The following MANBA variants were observed in gnomAD, a reference collection of about 807,000 sequenced individuals.
The protein encoded by MANBA is mannosidase beta.
A neutral mutation model predicts 111.1 loss-of-function variants in MANBA; 83 were observed. The ratio of observed to expected loss-of-function variants is 0.75; its 90% CI spans 0.63 to 0.90. MANBA has a LOEUF of 0.90. MANBA is among the 40% of genes least tolerant of loss of function. The pLI is 0.00. For missense variants in MANBA, 1,036 were observed against 1,069.0 expected (o/e 0.97, Z 0.43); for synonymous variants, 370 against 378.7 (o/e 0.98, Z 0.27).
intron 1 of MANBA, among the ~76,000 whole-genome samples, chr4:102,736,396 T>A (rs1446669332): frequency 6.6e-6 from 1 of 152,186 alleles, no homozygotes; most frequent in African/African-American, 2.4e-5. Flanking sequence ...ATATCATCAG[T>A]CTCATTTTCT....
Position 102,690,733 on chromosome 4 carries a change from T to G in MANBA, c.712A>C (p.Thr238Pro), listed in dbSNP as rs1732438694. 1 of 1,594,258 alleles carries G rather than the reference T, an allele frequency of 6.3e-7. No homozygotes were observed. The highest frequency in any genetic ancestry group is 8.6e-7 in the Non-Finnish European group (1 of 1,167,926). The change falls in exon 6 of 17, where the codon ACA becomes CCA. Residue 238 changes from threonine to proline, a missense_variant. Transcript: ENST00000647097. ...AQEWNLEIES[T>P]FDVVSSKPVG... ...GGCTTTGAGCTGACAACATCAAATG[T>G]AGACTCTATTTCCAGATTCCACTCC... is the stretch of plus-strand genomic sequence containing the variant.
intron 13 of MANBA, among the ~76,000 whole-genome samples, chr4:102,642,597 A>T (rs1173817437): frequency 1.3e-5 from 2 of 152,152 alleles, no homozygotes. Flanking sequence ...ACAGAGCGAG[A>T]CTCTGTCTAA....
intron 5 of MANBA, among the ~76,000 whole-genome samples, chr4:102,702,329 G>A (rs1733093706): frequency 6.6e-6 from 1 of 152,006 alleles, no homozygotes; most frequent in South Asian, 2.1e-4. Flanking sequence ...CTCGTAGTTT[G>A]ATCGCCTGAA....
intron 1 of MANBA, among the ~76,000 whole-genome samples, chr4:102,757,582 CTT>C (rs758885484): frequency 1.1e-4 from 17 of 152,308 alleles, no homozygotes; most frequent in Middle Eastern, 3.4e-3. Context: ...AAGAAATCCT[CTT>C]GTTTCTACAT....
At chr4:102,640,826 G>T (rs541553783) in intron 13 of MANBA, among the ~76,000 whole-genome samples, 7 of 152,326 alleles carry the variant, frequency 4.6e-5, no homozygotes, top group Admixed American at 4.6e-4. Flanking sequence ...CAGTAAGGAA[G>T]TCATAGATGA....
chr4:102,673,507 CAA>C (rs879403766), intron 8 of MANBA, among the ~76,000 whole-genome samples: 9 of 112,408 alleles, frequency 8.0e-5, no homozygotes, highest in Admixed American at 2.9e-4. Context: ...GACTCCATCT[CAA>C]AAAAAAAAAA....
intron 2 of MANBA, among the ~76,000 whole-genome samples, chr4:102,724,175 A>G (rs964266581): frequency 6.6e-6 from 1 of 152,216 alleles, no homozygotes; most frequent in African/African-American, 2.4e-5. Flanking sequence ...TCTATAATGT[A>G]TCAATAAATC....
intron 7 of MANBA, among the ~76,000 whole-genome samples, chr4:102,686,376 A>G (rs1247532313): frequency 6.6e-6 from 1 of 152,140 alleles, no homozygotes; most frequent in Non-Finnish European, 1.5e-5. Flanking sequence ...GGCTTCCACC[A>G]CTTCAATATA....
chr4:102,698,758 A>T (rs528145792), intron 5 of MANBA, among the ~76,000 whole-genome samples: 5 of 151,734 alleles, frequency 3.3e-5, no homozygotes, highest in East Asian at 1.9e-4. Context: ...TGGTTACTGT[A>T]GCCTTGTAGT....
chr4:102,730,103 G>T, intron 1 of MANBA: 1 of 1,083,100 alleles, frequency 9.2e-7, no homozygotes, highest in Non-Finnish European at 1.3e-6. Context: ...TTGTGTAGGA[G>T]TGGCTGCTGA....
At chr4:102,668,116 T>G (rs761946579) in intron 10 of MANBA, 8 of 152,222 alleles carry the variant, frequency 5.3e-5, no homozygotes, top group Admixed American at 2.6e-4. Flanking sequence ...ACCCATGCCA[T>G]GCACTTAATA....
At chr4:102,718,413 C>T (rs1722429031) in intron 4 of MANBA, among the ~76,000 whole-genome samples, 1 of 152,022 alleles carries the variant, frequency 6.6e-6, no homozygotes, top group African/African-American at 2.4e-5. Flanking sequence ...AATGAGATAG[C>T]CTAGAGAGGG....
intron 14 of MANBA, among the ~76,000 whole-genome samples, chr4:102,638,977 C>T (rs1729750290): frequency 6.6e-6 from 1 of 152,156 alleles, no homozygotes; most frequent in South Asian, 2.1e-4. Context: ...TCGTTTTTGA[C>T]CCCAAACTAT....
intron 5 of MANBA, among the ~76,000 whole-genome samples, chr4:102,692,746 G>A (rs112572895): frequency 0.028 from 4,234 of 152,058 alleles, 137 homozygotes; most frequent in African/African-American, 0.078. Flanking sequence ...TTCCTATTTA[G>A]TGGCTTCTAT....
chr4:102,685,009 G>T (rs1732148540), intron 7 of MANBA, among the ~76,000 whole-genome samples: 1 of 152,122 alleles, frequency 6.6e-6, no homozygotes, highest in Non-Finnish European at 1.5e-5. Flanking sequence ...ATAATGCTGA[G>T]CCAAATTAGC....
intron 7 of MANBA, among the ~76,000 whole-genome samples, chr4:102,681,995 A>C (rs1732004052): frequency 6.6e-6 from 1 of 151,954 alleles, no homozygotes; most frequent in South Asian, 2.1e-4. Context: ...AAAAATACAA[A>C]AATTAGCCGG....
At chr4:102,729,375 T>C (rs1243644881) in intron 1 of MANBA, 4 of 802,130 alleles carry the variant, frequency 5.0e-6, no homozygotes, top group Admixed American at 1.7e-5. Flanking sequence ...TCTCCTCGTA[T>C]GGTGCCTTGA....
intron 12 of MANBA, among the ~76,000 whole-genome samples, chr4:102,651,193 AC>A (rs1730317425): frequency 2.0e-5 from 3 of 152,208 alleles, no homozygotes; most frequent in Middle Eastern, 3.4e-3. Flanking sequence ...TTTAGCACTT[AC>A]ACTGTTCACT....
At chr4:102,685,186 T>G (rs2110237716) in intron 7 of MANBA, among the ~76,000 whole-genome samples, 1 of 152,312 alleles carries the variant, frequency 6.6e-6, no homozygotes, top group South Asian at 2.1e-4. Flanking sequence ...TGTGAAGTGC[T>G]AGTAATTAAT....
Sources: allele counts gnomAD v4.1 joint callset (sites outside exome capture counted in the v4.1 genomes callset), GRCh38; gene constraint gnomAD v4.1.1; transcripts MANE v1.5; gene names NCBI Gene and HGNC (gene_info 2026-07-23, HGNC 2026-07-21).